Variants in POLG observed in about 807,000 individuals in gnomAD.
POLG encodes the protein DNA polymerase subunit gamma-1.
In POLG, 110 loss-of-function variants were observed where a neutral mutation model predicts 155.4. The observed-to-expected ratio is 0.71, with a 90% CI of 0.61 to 0.83. The LOEUF (loss-of-function observed/expected upper bound fraction) is 0.83. Among genes scored for constraint, POLG ranks in the 40% least tolerant of loss-of-function variants. The pLI, the probability that POLG is intolerant of heterozygous loss-of-function variation, is 0.00. For synonymous variants in POLG, 701 were observed against 631.5 expected (o/e 1.11, Z -1.65); for missense variants, 1,685 against 1,627.5 (o/e 1.04, Z -0.61).
At chr15:89,318,127 G>T in intron 21 of POLG, 1 of 193,374 alleles carries the variant, frequency 5.2e-6, no homozygotes, top group Non-Finnish European at 1.1e-5. Context: ...TTTTCTGTTA[G>T]CAGTCAAATA....
At position 89,316,838 on chromosome 15, in the gene POLG, G is replaced by A. The variant is rs2055283715; in HGVS notation, c.3644-11C>T. On this transcript the variant is annotated splice_polypyrimidine_tract_variant and intron_variant, in intron 22 of 22. Coordinates refer to ENST00000268124, the MANE Select transcript of POLG (RefSeq NM_002693.3). ...TATCCAGCGCTTCACCTGAAAGATA[G>A]TGCAAATTGGTTAGGATGCCACCTC... 6.2e-7 allele frequency: 1 copy of A among 1,603,550 alleles called. No homozygotes were observed. Among genetic ancestry groups the A allele is most frequent in the Non-Finnish European group, 8.5e-7 (1 of 1,170,342 alleles).
intron 22 of POLG, 52 bp from the exon 23 acceptor site, chr15:89,316,879 G>C (rs1314039198): frequency 7.6e-7 from 1 of 1,312,694 alleles, no homozygotes; most frequent in Non-Finnish European, 1.1e-6. Flanking sequence ...CTGTAACTGA[G>C]AGCTCAGAAG....
chr15:89,321,110 C>A lies in POLG; in HGVS notation c.2734+15G>T. 1 of 1,614,214 alleles carries A rather than the reference C, an allele frequency of 6.2e-7. No individual in the cohort carries two copies. On this transcript the variant is annotated intron_variant, in intron 17 of 22. Coordinates refer to ENST00000268124, the MANE Select transcript of POLG (RefSeq NM_002693.3). ...GCTGAGGGGCTGGGCTGCCCCAACCCCGGCTCCTGCTCACCATGCATGCCG... is the reference window on the plus strand; with the variant it reads ...GCTGAGGGGCTGGGCTGCCCCAACCACGGCTCCTGCTCACCATGCATGCCG...
In POLG at chr15:89,318,561, C is replaced by A; in HGVS notation, c.3462G>T (p.Gln1154His). ...CATACCTGGTCAAGAGGTTGGTGAT[C>A]TGCAAGGCCAGGGCAGCGCGGTAGC... ...EDRYRAALAL[Q>H]ITNLLTRCMF... The change falls in exon 21 of 23, where the codon CAG becomes CAT. Residue 1154 changes from glutamine (Q) to histidine (H), a missense_variant. Around this residue, in one of 3 missense-constraint regions of POLG, gnomAD observed 470 missense variants for 439.9 expected, o/e 1.07. Coordinates refer to ENST00000268124, the MANE Select transcript of POLG (RefSeq NM_002693.3). 6.2e-7 allele frequency: 1 copy of A among 1,613,624 alleles called. No homozygotes were observed. Among genetic ancestry groups the A allele is most frequent in the Middle Eastern group, 1.8e-4 (1 of 5,590 alleles).
At chr15:89,327,842 A>G (rs139181951) in intron 6 of POLG, among the ~76,000 whole-genome samples, 172 of 152,200 alleles carry the variant, frequency 1.1e-3, no homozygotes, top group African/African-American at 3.8e-3. Context: ...AACGTGAAGG[A>G]TAGATATCTT....
At chr15:89,325,350 A>C in intron 10 of POLG, 100 bp downstream of exon 10, 1 of 784,156 alleles carries the variant, frequency 1.3e-6, no homozygotes, top group Non-Finnish European at 2.2e-6. Flanking sequence ...TTCTGAACCC[A>C]GACTCTTGAA....
At chr15:89,325,771 CCACCCTCCAAAGCCCT>C in intron 9 of POLG, 85 bp from the exon 10 acceptor site, 1 of 1,089,446 alleles carries the variant, frequency 9.2e-7, no homozygotes, top group Non-Finnish European at 1.4e-6. Flanking sequence ...ATGTCCCCAC[CCACCCTCCAAAGCCCT>C]GGGGCTTTCT....
At chr15:89,326,891 C>T (rs746080011) in intron 8 of POLG, 21 bp downstream of exon 8, 12 of 1,613,588 alleles carry the variant, frequency 7.4e-6, no homozygotes, top group South Asian at 4.4e-5. Context: ...CCCTACCCTA[C>T]CTCCCACCCA....
intron 10 of POLG, 151 bp downstream of exon 10, chr15:89,325,299 G>GGGGGTGTGT: frequency 5.3e-5 from 28 of 527,306 alleles, no homozygotes; most frequent in Middle Eastern, 4.9e-4. Context: ...AGAGAGAGAG[G>GGGGGTGTGT]GTGTGTGTGT....
chr15:89,333,587 A>T lies in POLG; in HGVS notation c.168T>A (p.Pro56=). The change falls in exon 2 of 23, where the codon CCT becomes CCA. Residue 56 remains proline (P), a synonymous_variant. Coordinates refer to ENST00000268124, the MANE Select transcript of POLG (RefSeq NM_002693.3). ...CCGAGGATAGCACTTGCGGCTGCTGAGGCTGCTGTTGCTGCTGCTGCTGCT... is the reference window on the plus strand; with the variant it reads ...CCGAGGATAGCACTTGCGGCTGCTGTGGCTGCTGTTGCTGCTGCTGCTGCT... The part of the protein sequence containing the change: ...QQQQQQQQQQ[P]QQPQVLSSEG... 1 of 1,605,880 alleles carries T rather than the reference A, an allele frequency of 6.2e-7. No individual in the cohort carries two copies. The highest frequency in any genetic ancestry group is 8.5e-7 in the Non-Finnish European group (1 of 1,177,058).
chr15:89,317,155 C>T (rs1018230135), intron 22 of POLG: 1 of 606,356 alleles, frequency 1.6e-6, no homozygotes, highest in Non-Finnish European at 2.9e-6. Context: ...AAGTAGGGGA[C>T]AGGTACAGGT....
At chr15:89,322,679 C>G (rs1402454968) in intron 14 of POLG, 63 bp downstream of exon 14, 1 of 1,558,264 alleles carries the variant, frequency 6.4e-7, no homozygotes, top group East Asian at 2.2e-5. Context: ...CAGGGTTAGT[C>G]AGGGGTCCCT....
intron 9 of POLG, 29 bp downstream of exon 9, chr15:89,326,583 A>G: frequency 6.2e-7 from 1 of 1,611,864 alleles, no homozygotes; most frequent in Non-Finnish European, 8.5e-7. Context: ...TAGACTCTAG[A>G]TACACTGCTG....
At chr15:89,324,716 G>A (rs1388347518) in intron 10 of POLG, among the ~76,000 whole-genome samples, 1 of 152,242 alleles carries the variant, frequency 6.6e-6, no homozygotes, top group Non-Finnish European at 1.5e-5. Context: ...CTCAGGGTCT[G>A]TGATCTTAAG....
At chr15:89,326,001 G>A (rs2055512231) in intron 9 of POLG, among the ~76,000 whole-genome samples, 2 of 152,146 alleles carry the variant, frequency 1.3e-5, no homozygotes, top group Admixed American at 1.3e-4. Context: ...ACTGACCAGA[G>A]GAGGGAGCAG....
Position 89,323,895 on chromosome 15 carries a change from C to A in POLG, c.2077G>T (p.Glu693Ter). The A allele has an allele frequency of 1.2e-6, 2 of 1,613,066 alleles. No individual in the cohort carries two copies. The highest frequency in any genetic ancestry group is 1.7e-6 in the Non-Finnish European group (2 of 1,178,984). Residue 693 changes from glutamate to a stop codon, truncating the protein, a stop_gained, in exon 12 of 23, where the codon GAA (glutamate) becomes TAA (stop). Coordinates refer to ENST00000268124, the MANE Select transcript of POLG (RefSeq NM_002693.3). LOFTEE classifies it high-confidence loss of function. ...DNSAIWQTVE[E>*]LDYLEVEAEA... is the part of the protein sequence containing the mutation. ...GCCTCCACTTCTAAGTAATCCAGTTCTTCTACCTGGAGCAGTCCAAGGACC... is the reference window on the plus strand; with the variant it reads ...GCCTCCACTTCTAAGTAATCCAGTTATTCTACCTGGAGCAGTCCAAGGACC...
Position 89,323,439 on chromosome 15 carries a change from T to C in POLG, c.2230A>G (p.Ile744Val). Residue 744 changes from isoleucine to valine, a missense_variant, in exon 13 of 23, where the codon ATC (isoleucine) becomes GTC (valine). Physicochemically the swap from Ile to Val is conservative, Grantham distance 29. Around this residue, in one of 3 missense-constraint regions of POLG, gnomAD observed 1,210 missense variants for 1,167.1 expected, o/e 1.04. Transcript: ENST00000268124. Reference sequence around the variant, plus strand: ...AGCTTGAAAAACCAGCAGCCAGGGATGTCCACGTCGTTGTAAGGTCCATTG... The same window carrying C: ...AGCTTGAAAAACCAGCAGCCAGGGACGTCCACGTCGTTGTAAGGTCCATTG... The part of the protein sequence containing the change: ...HGNGPYNDVD[I>V]PGCWFFKLPH... 1.2e-6 allele frequency: 2 copies of C among 1,613,900 alleles called. No individual in the cohort carries two copies. Among genetic ancestry groups the C allele is most frequent in the East Asian group, 2.2e-5 (1 of 44,870 alleles).
chr15:89,317,086 T>C (rs935080245), intron 22 of POLG: 14 of 591,394 alleles, frequency 2.4e-5, no homozygotes, highest in African/African-American at 1.3e-4. Context: ...CTGTCACCTA[T>C]AGAGTGCAAG....
chr15:89,325,251 A>AGAGTGAGAGAGT (rs1382112698), intron 10 of POLG, among the ~76,000 whole-genome samples, 199 bp downstream of exon 10: 1 of 79,642 alleles, frequency 1.3e-5, no homozygotes, highest in African/African-American at 1.1e-4. Context: ...AGTGAGTGAG[A>AGAGTGAGAGAGT]GAGAGAGTGA....
Sources: gnomAD v4.1 joint callset for allele counts (sites outside exome capture counted in the v4.1 genomes callset) on GRCh38, gnomAD v4.1.1 for gene constraint, gnomAD v4.1.1 regional missense constraint, MANE v1.5 for transcripts, NCBI Gene and HGNC (gene_info 2026-07-23, HGNC 2026-07-21) for gene names.